The following CAMK2D variants were observed in gnomAD, a reference collection of about 807,000 sequenced individuals.
CAMK2D encodes the protein calcium/calmodulin-dependent protein kinase type II subunit delta.
CAMK2D carries 37 observed loss-of-function variants against 84.0 expected under a neutral mutation model. The ratio of observed to expected loss-of-function variants is 0.44; its 90% CI spans 0.34 to 0.58. CAMK2D has a LOEUF of 0.58. Ranked by LOEUF, CAMK2D falls within the 20% of genes least tolerant of loss-of-function variation. CAMK2D has a pLI of 0.02. For synonymous variants in CAMK2D, 202 were observed against 212.5 expected (o/e 0.95, Z 0.43); for missense variants, 448 against 652.5 (o/e 0.69, Z 3.41).
intron 2 of CAMK2D, among the ~76,000 whole-genome samples, chr4:113,725,572 T>C (rs1406297845): frequency 2.0e-5 from 3 of 152,166 alleles, no homozygotes; most frequent in Non-Finnish European, 4.4e-5. Context: ...TAGCTTCTAG[T>C]TGATGCTAAT....
At position 113,451,364 on chromosome 4, in the gene CAMK2D, T is replaced by G. The variant is rs924832245; in HGVS notation, c.*3181A>C. ...CCTCGTGAGCAAAGAATAATAACAA[T>G]AGGAATATTAATGTCAGTGATCAGA... is the stretch of plus-strand genomic sequence containing the variant. On this transcript the variant is annotated 3_prime_UTR_variant, in exon 21 of 21. Transcript: ENST00000511664. 2.0e-5 allele frequency: 3 copies of G among 152,152 alleles called. No homozygotes were observed. The highest frequency in any genetic ancestry group is 1.3e-4 in the Admixed American group (2 of 15,264). 9.4% of individuals were successfully genotyped at this position (152,152 alleles called of 1,614,324 possible).
At chr4:113,530,875 G>A (rs908354536) in intron 8 of CAMK2D, among the ~76,000 whole-genome samples, 2 of 152,118 alleles carry the variant, frequency 1.3e-5, no homozygotes, top group African/African-American at 4.8e-5. Flanking sequence ...ACCTGAGGCA[G>A]GAGTTCAAGA....
chr4:113,751,327 C>T (rs1278451077), intron 2 of CAMK2D, among the ~76,000 whole-genome samples: 1 of 152,086 alleles, frequency 6.6e-6, no homozygotes, highest in Non-Finnish European at 1.5e-5. Context: ...TTAATTTAAA[C>T]ACTAATAGCA....
intron 4 of CAMK2D, among the ~76,000 whole-genome samples, chr4:113,607,227 C>A (rs2098981618): frequency 6.6e-6 from 1 of 152,084 alleles, no homozygotes; most frequent in Non-Finnish European, 1.5e-5. Flanking sequence ...TGAGAAAGGA[C>A]TGAAGAGGAA....
rs1038877971 is a variant in CAMK2D at position 113,624,935 on chromosome 4, AAT to A, written c.221-15731_221-15730del. On this transcript the variant is annotated intron_variant, in intron 3 of 20. Coordinates refer to ENST00000511664, the MANE Select transcript of CAMK2D (RefSeq NM_001321571.2). ...AATTTAACATCCTTTTAGCTACAAT[AAT>A]AGTTATCCAACCTTGCATTGTTCTG... is the stretch of plus-strand genomic sequence containing the variant. Among the ~76,000 whole-genome samples the A allele has an allele frequency of 1.6e-4, 24 of 152,348 alleles. 1 individual carries two copies. Among genetic ancestry groups the A allele is most frequent in the African/African-American group, 5.3e-4 (22 of 41,590 alleles).
At chr4:113,673,686 A>AG (rs2099304072) in intron 2 of CAMK2D, among the ~76,000 whole-genome samples, 1 of 152,256 alleles carries the variant, frequency 6.6e-6, no homozygotes, top group African/African-American at 2.4e-5. Flanking sequence ...AAAGGCCCTA[A>AG]GGGCAGCCAG....
At chr4:113,504,384 C>A (rs2098098274) in intron 14 of CAMK2D, among the ~76,000 whole-genome samples, 1 of 152,122 alleles carries the variant, frequency 6.6e-6, no homozygotes, top group Admixed American at 6.6e-5. Flanking sequence ...CAGTTTCATT[C>A]TTTGGATTAA....
At chr4:113,746,161 G>C (rs1330807121) in intron 2 of CAMK2D, among the ~76,000 whole-genome samples, 4 of 152,090 alleles carry the variant, frequency 2.6e-5, no homozygotes, top group Admixed American at 2.6e-4. Flanking sequence ...TTGCATTCAG[G>C]GTGAAGGAGA....
chr4:113,620,879 C>T (rs1268573880), intron 3 of CAMK2D, among the ~76,000 whole-genome samples: 1 of 152,038 alleles, frequency 6.6e-6, no homozygotes, highest in Non-Finnish European at 1.5e-5. Context: ...TATTTTATTA[C>T]TATTATATTT....
At chr4:113,568,695 C>G (rs550157641) in intron 4 of CAMK2D, among the ~76,000 whole-genome samples, 10 of 152,308 alleles carry the variant, frequency 6.6e-5, no homozygotes, top group African/African-American at 2.4e-4. Flanking sequence ...CCACCAGCAA[C>G]CTACATGAGT....
intron 5 of CAMK2D, among the ~76,000 whole-genome samples, chr4:113,551,196 T>A (rs1322496747): frequency 6.6e-6 from 1 of 152,180 alleles, no homozygotes; most frequent in African/African-American, 2.4e-5. Flanking sequence ...ATTTACACCA[T>A]GCAATCCAGT....
At chr4:113,755,503 G>A (rs542698470) in intron 2 of CAMK2D, among the ~76,000 whole-genome samples, 4 of 151,788 alleles carry the variant, frequency 2.6e-5, no homozygotes, top group Non-Finnish European at 5.9e-5. Flanking sequence ...TGACACATCA[G>A]AATCTATGTA....
At chr4:113,673,131 A>G (rs746651359) in intron 2 of CAMK2D, among the ~76,000 whole-genome samples, 8 of 152,040 alleles carry the variant, frequency 5.3e-5, no homozygotes, top group Non-Finnish European at 8.8e-5. Context: ...ATTCTGTACC[A>G]CCTCCTACTT....
chr4:113,757,748 GAA>G (rs2099631761), intron 2 of CAMK2D, among the ~76,000 whole-genome samples: 1 of 152,136 alleles, frequency 6.6e-6, no homozygotes, highest in African/African-American at 2.4e-5. Context: ...GTAGCAAGGA[GAA>G]AAGATTCCAT....
intron 17 of CAMK2D, among the ~76,000 whole-genome samples, chr4:113,465,031 T>G (rs933964315): frequency 7.2e-5 from 11 of 152,226 alleles, no homozygotes; most frequent in African/African-American, 2.6e-4. Flanking sequence ...CTCTGTGAAA[T>G]CTTTTTTCTT....
intron 16 of CAMK2D, among the ~76,000 whole-genome samples, chr4:113,490,618 C>T (rs527790661): frequency 8.6e-5 from 13 of 151,524 alleles, no homozygotes; most frequent in East Asian, 1.9e-4. Flanking sequence ...ACTGACTTGG[C>T]GATGCGGGCT....
chr4:113,474,242 A>G (rs2097577902), intron 16 of CAMK2D, among the ~76,000 whole-genome samples: 1 of 152,176 alleles, frequency 6.6e-6, no homozygotes, highest in South Asian at 2.1e-4. Context: ...TGGAAGAAAA[A>G]GATTTTAAGA....
chr4:113,651,452 G>T (rs2099171904), intron 3 of CAMK2D, among the ~76,000 whole-genome samples: 1 of 152,048 alleles, frequency 6.6e-6, no homozygotes, highest in African/African-American at 2.4e-5. Context: ...GTAAACTGCA[G>T]CTAGGAAAAA....
rs1201034374 is a variant in CAMK2D at position 113,451,947 on chromosome 4, G to A, written c.*2598C>T. 3 of 152,062 alleles carry A rather than the reference G, an allele frequency of 2.0e-5. No individual in the cohort carries two copies. The highest frequency in any genetic ancestry group is 4.4e-5 in the Non-Finnish European group (3 of 68,000). The allele number at this position is 152,062 out of a possible 1,614,324, so 9.4% of individuals were successfully genotyped here. A position where few individuals can be genotyped will look rare whatever the true frequency, so the allele number is the denominator to read the frequency against. On this transcript the variant is annotated 3_prime_UTR_variant, in exon 21 of 21. Transcript: ENST00000511664. ...GTAGGGGAAGAGACTATTTATTCTAGGTAAGAAACATAAACAACATGAACA... is the reference window on the plus strand; with the variant it reads ...GTAGGGGAAGAGACTATTTATTCTAAGTAAGAAACATAAACAACATGAACA...
Sources: gnomAD v4.1 joint callset for allele counts (sites outside exome capture counted in the v4.1 genomes callset) on GRCh38, gnomAD v4.1.1 for gene constraint, MANE v1.5 for transcripts, NCBI Gene and HGNC (gene_info 2026-07-23, HGNC 2026-07-21) for gene names.